The following SEMA5A variants were observed in gnomAD, a reference collection of about 807,000 sequenced individuals.
SEMA5A encodes semaphorin 5A, also known as semaphorin-5A.
In SEMA5A, 55 loss-of-function variants were observed where a neutral mutation model predicts 135.5. The ratio of observed to expected loss-of-function variants is 0.41; its 90% CI spans 0.33 to 0.51. The LOEUF (loss-of-function observed/expected upper bound fraction) is 0.51. SEMA5A is among the 20% of genes least tolerant of loss of function. The probability of loss-of-function intolerance (pLI) is 0.37; values close to 1 mark genes in which losing one functional copy is unlikely to be tolerated. For synonymous variants in SEMA5A, 580 were observed against 546.5 expected, an observed-to-expected ratio of 1.06 and a Z score of -0.85; for missense variants, 1,290 against 1,419.9, an observed-to-expected ratio of 0.91 and a Z score of 1.47.
intron 2 of SEMA5A, among the ~76,000 whole-genome samples, chr5:9,420,244 C>T (rs1482705447): frequency 6.6e-6 from 1 of 152,050 alleles, no homozygotes; most frequent in African/African-American, 2.4e-5. Flanking sequence ...TGCTAGTGGG[C>T]TGTATTACAT....
intron 13 of SEMA5A, among the ~76,000 whole-genome samples, chr5:9,125,512 C>T (rs186077302): frequency 6.6e-6 from 1 of 152,298 alleles, no homozygotes; most frequent in East Asian, 1.9e-4. Flanking sequence ...CACCCTCCAA[C>T]AGGTCCCAAT....
chr5:9,417,329 T>C (rs928191873), intron 2 of SEMA5A, among the ~76,000 whole-genome samples: 22 of 152,368 alleles, frequency 1.4e-4, no homozygotes, highest in Admixed American at 7.8e-4. Context: ...ATTTTATACA[T>C]AGAATATAGT....
At chr5:9,101,555 G>A (rs961170272) in intron 16 of SEMA5A, among the ~76,000 whole-genome samples, 1 of 152,116 alleles carries the variant, frequency 6.6e-6, no homozygotes, top group African/African-American at 2.4e-5. Flanking sequence ...TGTTTTCAGT[G>A]GAGTTAGAGT....
chr5:9,514,724 G>T (rs1185171137), intron 1 of SEMA5A, among the ~76,000 whole-genome samples: 1 of 152,180 alleles, frequency 6.6e-6, no homozygotes, highest in Non-Finnish European at 1.5e-5. Flanking sequence ...AAATATATTT[G>T]ATCCACAGGT....
At chr5:9,190,593 T>C (rs1270956847) in intron 10 of SEMA5A, 122 bp from the exon 11 acceptor site, 3 of 799,068 alleles carry the variant, frequency 3.8e-6, no homozygotes, top group South Asian at 3.2e-5. Context: ...CATTGAAGTA[T>C]GCAAACATGT....
intron 1 of SEMA5A, among the ~76,000 whole-genome samples, chr5:9,445,180 G>C (rs1406733784): frequency 6.6e-6 from 1 of 152,146 alleles, no homozygotes; most frequent in African/African-American, 2.4e-5. Flanking sequence ...ATGTTGTGCT[G>C]AATGACGTGC....
At chr5:9,134,081 G>T (rs1165837269) in intron 13 of SEMA5A, among the ~76,000 whole-genome samples, 1 of 152,120 alleles carries the variant, frequency 6.6e-6, no homozygotes, top group Admixed American at 6.5e-5. Context: ...TTTCTGCCAT[G>T]ATTGTAAGTT....
chr5:9,085,285 C>T (rs1397469182), intron 16 of SEMA5A, among the ~76,000 whole-genome samples: 1 of 152,168 alleles, frequency 6.6e-6, no homozygotes, highest in African/African-American at 2.4e-5. Flanking sequence ...ATGTTAATCC[C>T]CAAGACAATG....
At chr5:9,322,211 C>G (rs1561144639) in intron 4 of SEMA5A, among the ~76,000 whole-genome samples, 1 of 152,150 alleles carries the variant, frequency 6.6e-6, no homozygotes, top group Non-Finnish European at 1.5e-5. Flanking sequence ...TTCTCAAGTT[C>G]CAATGGGCTG....
At chr5:9,342,048 T>C (rs984340866) in intron 3 of SEMA5A, among the ~76,000 whole-genome samples, 1 of 150,092 alleles carries the variant, frequency 6.7e-6, no homozygotes, top group Non-Finnish European at 1.5e-5. Context: ...TAACTAGAGA[T>C]AAGCTAAATA....
rs1446001099 is a variant in SEMA5A, at chr5:9,207,116, A to ATATATATATATATATATATG, written c.647-4877_647-4876insCATATATATATATATATATA. ...AATGATCAAGTGTATATATATATAT[A>ATATATATATATATATATATG]TATATATATATATATATAAAGCTTA... is the stretch of plus-strand genomic sequence containing the variant. On this transcript the variant is annotated intron_variant, in intron 8 of 22. Coordinates refer to ENST00000382496, the MANE Select transcript of SEMA5A (RefSeq NM_003966.3). 3.2e-3 allele frequency among the ~76,000 whole-genome samples: 429 copies of ATATATATATATATATATATG among 135,258 alleles called. 4 individuals carry two copies. The highest frequency in any genetic ancestry group is 0.012 in the Middle Eastern group (3 of 250). 88.7% of individuals were successfully genotyped at this position (135,258 alleles called of 152,430 possible).
At chr5:9,213,046 T>C (rs944456398) in intron 8 of SEMA5A, among the ~76,000 whole-genome samples, 1 of 152,218 alleles carries the variant, frequency 6.6e-6, no homozygotes, top group Admixed American at 6.5e-5. Flanking sequence ...CGGCACCTTC[T>C]CACTGTGTCC....
chr5:9,362,140 G>A (rs924138202), intron 3 of SEMA5A, among the ~76,000 whole-genome samples: 2 of 152,126 alleles, frequency 1.3e-5, no homozygotes, highest in Admixed American at 1.3e-4. Context: ...TTTGCAGGTA[G>A]AACAGCTCAC....
intron 3 of SEMA5A, among the ~76,000 whole-genome samples, chr5:9,362,830 T>G (rs1754756810): frequency 6.6e-6 from 1 of 152,190 alleles, no homozygotes; most frequent in Non-Finnish European, 1.5e-5. Context: ...CTCTTTAGTC[T>G]TCAACTACAA....
intron 13 of SEMA5A, among the ~76,000 whole-genome samples, chr5:9,132,775 G>T (rs190387023): frequency 1.2e-4 from 19 of 152,248 alleles, no homozygotes; most frequent in African/African-American, 4.6e-4. Flanking sequence ...CAATATTCCT[G>T]TAACTCTTAT....
chr5:9,191,707 T>C (rs1006738907), intron 10 of SEMA5A, among the ~76,000 whole-genome samples: 4 of 152,248 alleles, frequency 2.6e-5, no homozygotes, highest in African/African-American at 9.6e-5. Context: ...AAAAAGAGAA[T>C]CTGAGAGTTA....
At chr5:9,113,083 A>G (rs1396908487) in intron 15 of SEMA5A, among the ~76,000 whole-genome samples, 2 of 152,218 alleles carry the variant, frequency 1.3e-5, no homozygotes, top group African/African-American at 4.8e-5. Context: ...CATCACAGCT[A>G]GGGCCTCTAT....
chr5:9,508,779 C>T (rs1333563150), intron 1 of SEMA5A, among the ~76,000 whole-genome samples: 1 of 152,194 alleles, frequency 6.6e-6, no homozygotes, highest in Non-Finnish European at 1.5e-5. Flanking sequence ...CATGTTGCAA[C>T]TACCCATCTT....
At chr5:9,443,282 T>C (rs1284223765) in intron 1 of SEMA5A, among the ~76,000 whole-genome samples, 1 of 150,158 alleles carries the variant, frequency 6.7e-6, no homozygotes, top group African/African-American at 2.5e-5. Flanking sequence ...AAACAAAGAG[T>C]GGGTGACAGG....
Sources: gnomAD v4.1 joint callset for allele counts (sites outside exome capture counted in the v4.1 genomes callset) on GRCh38, gnomAD v4.1.1 for gene constraint, MANE v1.5 for transcripts, NCBI Gene and HGNC (gene_info 2026-07-23, HGNC 2026-07-21) for gene names.